Variants in SASH1 observed in about 807,000 individuals in gnomAD.
SASH1 encodes the protein SAM and SH3 domain containing 1.
A neutral mutation model predicts 125.2 loss-of-function variants in SASH1; 44 were observed. That is an observed-to-expected ratio of 0.35 (90% CI 0.28 to 0.45). The LOEUF (loss-of-function observed/expected upper bound fraction) is 0.45, where lower values mean the gene tolerates loss of function less well. Ranked by LOEUF, SASH1 falls within the 20% of genes least tolerant of loss-of-function variation. The pLI is 1.00. For missense variants in SASH1, 1,426 were observed against 1,614.5 expected, an observed-to-expected ratio of 0.88 and a Z score of 2.00; for synonymous variants, 639 against 649.1, an observed-to-expected ratio of 0.98 and a Z score of 0.24.
intron 2 of SASH1, among the ~76,000 whole-genome samples, chr6:148,428,179 A>T (rs1775905991): frequency 6.6e-6 from 1 of 152,186 alleles, no homozygotes; most frequent in Admixed American, 6.5e-5. Flanking sequence ...TCTACTTTGT[A>T]GTCTTGTTCC....
intron 8 of SASH1, among the ~76,000 whole-genome samples, chr6:148,488,451 A>G (rs1778967349): frequency 6.6e-6 from 1 of 152,246 alleles, no homozygotes; most frequent in Non-Finnish European, 1.5e-5. Flanking sequence ...TGCTCTGAAC[A>G]CTGGTGTACA....
At chr6:148,215,669 G>T in the SASH1 span, among the ~76,000 whole-genome samples, 1 of 152,048 alleles carries the variant, frequency 6.6e-6, no homozygotes, top group Non-Finnish European at 1.5e-5. Flanking sequence ...AAGCAACATT[G>T]TAATGACTAT....
At chr6:148,197,017 A>C in the SASH1 span, among the ~76,000 whole-genome samples, 8 of 152,324 alleles carry the variant, frequency 5.3e-5, no homozygotes, top group Non-Finnish European at 1.0e-4. Context: ...AAGATAGAGA[A>C]TGGAGCAGAT....
At chr6:148,471,561 C>G (rs1192957512) in intron 6 of SASH1, 58 bp downstream of exon 6, 5 of 1,021,918 alleles carry the variant, frequency 4.9e-6, no homozygotes, top group Admixed American at 1.9e-5. Context: ...GGGAAGAATC[C>G]TATGCGGCTA....
chr6:148,285,336 C>T (rs1358682917), intron 1 of SASH1, among the ~76,000 whole-genome samples: 1 of 152,184 alleles, frequency 6.6e-6, no homozygotes, highest in African/African-American at 2.4e-5. Flanking sequence ...CTGTTTGTTT[C>T]CCTGGAAAAG....
chr6:148,508,151 G>A (rs1779909488), intron 8 of SASH1, among the ~76,000 whole-genome samples: 1 of 152,288 alleles, frequency 6.6e-6, no homozygotes, highest in South Asian at 2.1e-4. Flanking sequence ...CAATGAAGGG[G>A]AAATATCCTA....
rs538159090 is a variant in SASH1 at position 148,345,017 on chromosome 6, G to C, written c.156+1794G>C. ...GATCTGCCCACCTCGGCCTCCCAAA[G>C]TGCTGGGATTACAGGCGTGAGCCAC... On this transcript the variant is annotated intron_variant, in intron 1 of 19. Transcript: ENST00000367467. Among the ~76,000 whole-genome samples the C allele has an allele frequency of 1.3e-4, 20 of 152,258 alleles. No homozygotes were observed. In the South Asian group the frequency reaches 3.9e-3, roughly 30 times the overall value.
At position 148,543,959 on chromosome 6, in the gene SASH1, C is replaced by T. The variant is rs1419774037; in HGVS notation, c.2489C>T (p.Thr830Ile). 8.1e-6 allele frequency: 13 copies of T among 1,614,004 alleles called. No homozygotes were observed. Among genetic ancestry groups the T allele is most frequent in the African/African-American group, 1.3e-5 (1 of 74,888 alleles). ...RSCETLEGPQTVDTWPRSHSL... is the reference protein window; with the variant it reads ...RSCETLEGPQIVDTWPRSHSL... ...TGTGAGACCCTGGAGGGCCCCCAGA[C>T]TGTGGACACTTGGCCCCGATCCCAT... The change falls in exon 18 of 20, where the codon ACT (threonine) becomes ATT (isoleucine). Residue 830 changes from threonine (T) to isoleucine (I), a missense_variant. This residue lies in a region of SASH1 where 634 missense variants were observed against 694.4 expected (regional missense o/e 0.91). Coordinates refer to ENST00000367467, the MANE Select transcript of SASH1 (RefSeq NM_015278.5).
In SASH1 at chr6:148,548,640, T is replaced by C; in HGVS notation, c.*82T>C. 6.8e-7 allele frequency: 1 copy of C among 1,464,170 alleles called. No individual in the cohort carries two copies. The highest frequency in any genetic ancestry group is 9.2e-7 in the Non-Finnish European group (1 of 1,091,896). The allele number at this position is 1,464,170 out of a possible 1,614,324, so 90.7% of individuals were successfully genotyped here. ...GCTGATGCAATTCCTCCATCATCTC[T>C]GGACGTGCAGACCAGATCCAGAAGA... is the stretch of plus-strand genomic sequence containing the variant. On this transcript the variant is annotated 3_prime_UTR_variant, in exon 20 of 20. Coordinates refer to ENST00000367467, the MANE Select transcript of SASH1 (RefSeq NM_015278.5).
chr6:148,198,561 C>A, the SASH1 span, among the ~76,000 whole-genome samples: 4 of 152,126 alleles, frequency 2.6e-5, no homozygotes, highest in African/African-American at 9.7e-5. Context: ...AAGAGGTATC[C>A]AGTCCATCTG....
intron 1 of SASH1, among the ~76,000 whole-genome samples, chr6:148,362,360 T>A (rs748019805): frequency 6.6e-6 from 1 of 151,890 alleles, no homozygotes; most frequent in East Asian, 1.9e-4. Flanking sequence ...GTAGCTGGGA[T>A]TACAGGCATG....
At chr6:148,538,260 C>T (rs914701673) in intron 16 of SASH1, among the ~76,000 whole-genome samples, 4 of 152,224 alleles carry the variant, frequency 2.6e-5, no homozygotes, top group African/African-American at 9.6e-5. Context: ...GCAGTAGGAG[C>T]AGGTCTTCTG....
chr6:148,525,080 G>A (rs973967435), intron 10 of SASH1: 2 of 548,490 alleles, frequency 3.6e-6, no homozygotes, highest in African/African-American at 1.9e-5. Flanking sequence ...GGTAGGCAGA[G>A]TTCCAGTGGC....
At chr6:148,378,997 C>A in intron 1 of SASH1, among the ~76,000 whole-genome samples, 1 of 152,210 alleles carries the variant, frequency 6.6e-6, no homozygotes, top group Non-Finnish European at 1.5e-5. Flanking sequence ...ACTATCAATT[C>A]ACAGGTGCCA....
the SASH1 span, among the ~76,000 whole-genome samples, chr6:148,216,726 T>TTTTTCC: frequency 6.6e-6 from 1 of 152,046 alleles, no homozygotes; most frequent in South Asian, 2.1e-4. Context: ...ACCTCATCTC[T>TTTTTCC]TTTTTCTTTT....
chr6:148,221,196 TA>T, the SASH1 span, among the ~76,000 whole-genome samples: 15 of 152,272 alleles, frequency 9.9e-5, no homozygotes, highest in African/African-American at 3.4e-4. Flanking sequence ...GGAGGTCATT[TA>T]TTTTTTTTTA....
Position 148,540,429 on chromosome 6 carries a change from G to A in SASH1, c.2096-14G>A, listed in dbSNP as rs1229668784. 3 of 1,606,984 alleles carry A rather than the reference G, an allele frequency of 1.9e-6. No homozygotes were observed. Among genetic ancestry groups the A allele is most frequent in the Non-Finnish European group, 1.7e-6 (2 of 1,174,142 alleles). The stretch of plus-strand genomic sequence containing the variant: ...ACTCACCTTGTTGATTTCATGCCGT[G>A]TTCTCTCCTCTAGGTAACAGCGACC... On this transcript the variant is annotated splice_polypyrimidine_tract_variant and intron_variant, in intron 16 of 19. Coordinates refer to ENST00000367467, the MANE Select transcript of SASH1 (RefSeq NM_015278.5).
At chr6:148,287,202 T>C (rs1050175105) in intron 1 of SASH1, among the ~76,000 whole-genome samples, 1 of 152,152 alleles carries the variant, frequency 6.6e-6, no homozygotes, top group Non-Finnish European at 1.5e-5. Flanking sequence ...AATGATGGCT[T>C]CTTGAGGATC....
intron 1 of SASH1, among the ~76,000 whole-genome samples, chr6:148,288,220 G>C (rs896902523): frequency 6.6e-6 from 1 of 152,204 alleles, no homozygotes; most frequent in African/African-American, 2.4e-5. Context: ...TGTATGTCAA[G>C]TGTGCTTTTC....
Sources: gnomAD v4.1 joint callset for allele counts (sites outside exome capture counted in the v4.1 genomes callset) on GRCh38, gnomAD v4.1.1 for gene constraint, gnomAD v4.1.1 regional missense constraint, MANE v1.5 for transcripts, NCBI Gene and HGNC (gene_info 2026-07-23, HGNC 2026-07-21) for gene names.